The following CEP89 variants were observed in gnomAD, a reference collection of about 807,000 sequenced individuals.
CEP89 encodes centrosomal protein 89.
A neutral mutation model predicts 97.6 loss-of-function variants in CEP89; 95 were observed. The ratio of observed to expected loss-of-function variants is 0.97; its 90% CI spans 0.82 to 1.15. The LOEUF is 1.15. CEP89 is among the 50% of genes most tolerant of loss of function. The pLI is 0.00. For missense variants in CEP89, 869 were observed against 947.7 expected, an observed-to-expected ratio of 0.92 and a Z score of 1.09; for synonymous variants, 354 against 349.1, an observed-to-expected ratio of 1.01 and a Z score of -0.16.
At chr19:32,883,310 CTT>C in intron 17 of CEP89, among the ~76,000 whole-genome samples, 1 of 151,936 alleles carries the variant, frequency 6.6e-6, no homozygotes. Flanking sequence ...AGTGAAATAA[CTT>C]TTTGTTTTTT....
chr19:32,889,213 C>A (rs1015979043), intron 16 of CEP89, among the ~76,000 whole-genome samples: 1 of 152,166 alleles, frequency 6.6e-6, no homozygotes, highest in Non-Finnish European at 1.5e-5. Context: ...CCTAGGCACT[C>A]CCAGGGTCAA....
At chr19:32,960,790 A>G (rs1971150804) in intron 2 of CEP89, among the ~76,000 whole-genome samples, 2 of 150,248 alleles carry the variant, frequency 1.3e-5, no homozygotes, top group African/African-American at 4.9e-5. Context: ...AACCTGGGCA[A>G]CAGAGCAAGT....
Position 32,915,276 on chromosome 19 carries a change from T to G in CEP89, c.1565+61A>C, listed in dbSNP as rs545995440. 10,609 of 1,409,070 alleles carry G rather than the reference T, an allele frequency of 7.5e-3. 70 individuals carry two copies. The highest frequency in any genetic ancestry group is 9.2e-3 in the Non-Finnish European group (9,812 of 1,063,018). The allele number at this position is 1,409,070 out of a possible 1,614,324, so 87.3% of individuals were successfully genotyped here. A position where few individuals can be genotyped will look rare whatever the true frequency, so the allele number is the denominator to read the frequency against. On this transcript the variant is annotated intron_variant, in intron 14 of 18. Coordinates refer to ENST00000305768, the MANE Select transcript of CEP89 (RefSeq NM_032816.5). ...GAGTTTGGGACCAGCCTGAGCAACA[T>G]AGCAAGACCCTGTCTCGAAAAAAGA...
chr19:32,930,467 G>A (rs558892907), intron 9 of CEP89, among the ~76,000 whole-genome samples: 10 of 151,998 alleles, frequency 6.6e-5, no homozygotes, highest in Non-Finnish European at 1.0e-4. Flanking sequence ...ATATTTCAAA[G>A]CTGTTATTAA....
At chr19:32,899,442 T>G (rs1969717262) in intron 16 of CEP89, among the ~76,000 whole-genome samples, 1 of 152,132 alleles carries the variant, frequency 6.6e-6, no homozygotes, top group Admixed American at 6.5e-5. Context: ...GTAATACAGT[T>G]GAAATTTTAA....
intron 11 of CEP89, among the ~76,000 whole-genome samples, chr19:32,924,017 T>C (rs1381737833): frequency 6.6e-6 from 1 of 150,636 alleles, no homozygotes. Flanking sequence ...TTTTTTTTTT[T>C]TTTTTTGAGA....
chr19:32,910,558 A>G (rs2145900535), intron 14 of CEP89, among the ~76,000 whole-genome samples: 1 of 152,302 alleles, frequency 6.6e-6, no homozygotes, highest in South Asian at 2.1e-4. Context: ...TTTTTACTTT[A>G]TAAACTTTTT....
At chr19:32,907,709 C>A (rs1014159270) in intron 14 of CEP89, among the ~76,000 whole-genome samples, 9 of 152,182 alleles carry the variant, frequency 5.9e-5, no homozygotes, top group African/African-American at 2.2e-4. Context: ...ACCTCAGCCT[C>A]CCAAAGTGCT....
chr19:32,891,213 G>A (rs1262721300), intron 16 of CEP89, among the ~76,000 whole-genome samples: 2 of 152,186 alleles, frequency 1.3e-5, no homozygotes, highest in East Asian at 3.9e-4. Context: ...CATGTGCCCT[G>A]AAGACAGGCT....
intron 14 of CEP89, among the ~76,000 whole-genome samples, chr19:32,901,729 G>A (rs1233144484): frequency 6.6e-6 from 1 of 152,012 alleles, no homozygotes; most frequent in Non-Finnish European, 1.5e-5. Context: ...CTGGACTCAA[G>A]CAATCCTCCT....
intron 11 of CEP89, among the ~76,000 whole-genome samples, chr19:32,924,074 C>T (rs1262661575): frequency 1.3e-5 from 2 of 149,772 alleles, no homozygotes; most frequent in African/African-American, 2.5e-5. Flanking sequence ...ACTGCAATCA[C>T]AGCTCACTGC....
intron 7 of CEP89, chr19:32,937,411 G>C: frequency 6.1e-6 from 3 of 488,208 alleles, no homozygotes; most frequent in East Asian, 3.9e-5. Flanking sequence ...ACAGGTCCAC[G>C]TCCCCCCAGG....
intron 5 of CEP89, among the ~76,000 whole-genome samples, chr19:32,942,273 C>T (rs1036747461): frequency 2.0e-5 from 3 of 152,048 alleles, no homozygotes; most frequent in African/African-American, 4.8e-5. Flanking sequence ...CCCAGCTACT[C>T]GGGAGGCTGA....
chr19:32,971,731 GC>G, intron 1 of CEP89, 104 bp downstream of exon 1: 1 of 1,090,110 alleles, frequency 9.2e-7, no homozygotes, highest in Non-Finnish European at 1.4e-6. Context: ...CTCTTGTGCC[GC>G]CCCCTTGACT....
At position 32,944,220 on chromosome 19, in the gene CEP89, TAA is replaced by T. The variant is rs750448528; in HGVS notation, c.595+4044_595+4045del. On this transcript the variant is annotated intron_variant, in intron 5 of 18. Coordinates refer to ENST00000305768, the MANE Select transcript of CEP89 (RefSeq NM_032816.5). ...GCCTGGGCAACAGAGTGAGACCCTGTAAAAAAAAAAAAAAAAAGACTCTTCTT... is the reference window on the plus strand; with the variant it reads ...GCCTGGGCAACAGAGTGAGACCCTGTAAAAAAAAAAAAAAAGACTCTTCTT... Among the ~76,000 whole-genome samples, 4 of 62,414 alleles carry T rather than the reference TAA, an allele frequency of 6.4e-5. 1 individual carries two copies. Among genetic ancestry groups the T allele is most frequent in the Admixed American group, 3.9e-4 (2 of 5,174 alleles). The allele number at this position is 62,414 out of a possible 152,430, so 40.9% of individuals were successfully genotyped here. A position where few individuals can be genotyped will look rare whatever the true frequency, so the allele number is the denominator to read the frequency against.
intron 5 of CEP89, among the ~76,000 whole-genome samples, chr19:32,944,376 A>G (rs1970752975): frequency 6.6e-6 from 1 of 152,154 alleles, no homozygotes; most frequent in African/African-American, 2.4e-5. Flanking sequence ...TCGAAGAGTA[A>G]AGGGCCTAGA....
At chr19:32,955,425 C>G (rs992098268) in intron 3 of CEP89, among the ~76,000 whole-genome samples, 2 of 152,146 alleles carry the variant, frequency 1.3e-5, no homozygotes, top group East Asian at 3.8e-4. Context: ...TTGTAGATAA[C>G]CCTGTAATAA....
Position 32,918,231 on chromosome 19 carries a change from G to A in CEP89, c.1377C>T (p.Leu459=). The change falls in exon 13 of 19, where the codon CTC becomes CTT. Residue 459 remains leucine (L), a synonymous_variant. Coordinates refer to ENST00000305768, the MANE Select transcript of CEP89 (RefSeq NM_032816.5). The part of the protein sequence containing the change: ...RKAKDSHQER[L]QEVSKLTKQL... ...TCACTGGAAGGACCTCACCTTCTTGGAGGCGCTCCTGGTGGCTGTCCTTGG... is the reference window on the plus strand; with the variant it reads ...TCACTGGAAGGACCTCACCTTCTTGAAGGCGCTCCTGGTGGCTGTCCTTGG... 6.2e-7 allele frequency: 1 copy of A among 1,613,122 alleles called. No individual in the cohort carries two copies. The highest frequency in any genetic ancestry group is 8.5e-7 in the Non-Finnish European group (1 of 1,179,082).
Position 32,953,597 on chromosome 19 carries a change from T to C in CEP89, c.492+18A>G, listed in dbSNP as rs1970971767. 6.3e-7 allele frequency: 1 copy of C among 1,579,408 alleles called. No homozygotes were observed. Among genetic ancestry groups the C allele is most frequent in the Non-Finnish European group, 8.6e-7 (1 of 1,158,924 alleles). ...TCAGGGTGAATGTCAAGAAGAAAACTGGGAACATAGAAAACACCTGATTTC... is the reference window on the plus strand; with the variant it reads ...TCAGGGTGAATGTCAAGAAGAAAACCGGGAACATAGAAAACACCTGATTTC... On this transcript the variant is annotated intron_variant, in intron 4 of 18. Coordinates refer to ENST00000305768, the MANE Select transcript of CEP89 (RefSeq NM_032816.5).
Sources: allele counts gnomAD v4.1 joint callset (sites outside exome capture counted in the v4.1 genomes callset), GRCh38; gene constraint gnomAD v4.1.1; transcripts MANE v1.5; gene names NCBI Gene and HGNC (gene_info 2026-07-23, HGNC 2026-07-21).